The following AXIN1 variants were observed in gnomAD, a reference collection of about 807,000 sequenced individuals.
The protein encoded by AXIN1 is axin 1.
Under a neutral mutation model 76.4 loss-of-function variants are expected in AXIN1, and 30 were observed. That is an observed-to-expected ratio of 0.39 (90% CI 0.29 to 0.53). The LOEUF is 0.53. Among genes scored for constraint, AXIN1 ranks in the 20% least tolerant of loss-of-function variants. The probability of loss-of-function intolerance (pLI) is 0.66; values close to 1 mark genes in which losing one functional copy is unlikely to be tolerated. For missense variants in AXIN1, 1,140 were observed against 1,198.8 expected (o/e 0.95, Z 0.72); for synonymous variants, 545 against 501.4 (o/e 1.09, Z -1.16).
rs531943311 is a variant in AXIN1 at position 287,918 on chromosome 16, C to T, written c.*204G>A. ...GTATTGCTATGAGGAGTGGTCCAGG[C>T]TGCCTCCTTGGGGGCAGGACAGAAG... On this transcript the variant is annotated 3_prime_UTR_variant, in exon 11 of 11. Coordinates refer to ENST00000262320, the MANE Select transcript of AXIN1 (RefSeq NM_003502.4). 5.1e-6 allele frequency: 4 copies of T among 789,060 alleles called. No homozygotes were observed. In the African/African-American group the frequency reaches 6.8e-5, roughly 13 times the overall value. 48.9% of individuals were successfully genotyped at this position (789,060 alleles called of 1,614,324 possible).
intron 4 of AXIN1, among the ~76,000 whole-genome samples, chr16:309,126 C>T (rs553263673): frequency 3.3e-5 from 5 of 152,102 alleles, no homozygotes; most frequent in African/African-American, 7.2e-5. Flanking sequence ...GTCAGGAGAT[C>T]GAGACCATCC....
At chr16:315,957 G>A (rs774329484) in intron 2 of AXIN1, among the ~76,000 whole-genome samples, 1 of 152,058 alleles carries the variant, frequency 6.6e-6, no homozygotes, top group Non-Finnish European at 1.5e-5. Context: ...GGAGGCTGAG[G>A]CAAGAGAATC....
chr16:351,962 C>G (rs2054154570), intron 1 of AXIN1, among the ~76,000 whole-genome samples: 2 of 152,180 alleles, frequency 1.3e-5, no homozygotes, highest in Admixed American at 1.3e-4. Context: ...AGGCATCAAC[C>G]TGGAGGGTAC....
chr16:329,132 G>A (rs776904445), intron 2 of AXIN1, among the ~76,000 whole-genome samples: 2 of 151,952 alleles, frequency 1.3e-5, no homozygotes, highest in Non-Finnish European at 2.9e-5. Flanking sequence ...ATAGAAATTA[G>A]CCAGGCGTGG....
At chr16:320,263 C>A (rs1254392674) in intron 2 of AXIN1, among the ~76,000 whole-genome samples, 3 of 152,146 alleles carry the variant, frequency 2.0e-5, no homozygotes, top group African/African-American at 7.2e-5. Context: ...CCAGGCTGGT[C>A]TTGAACTCTT....
At chr16:342,740 C>G (rs532058894) in intron 2 of AXIN1, among the ~76,000 whole-genome samples, 48 of 152,356 alleles carry the variant, frequency 3.2e-4, no homozygotes, top group Admixed American at 1.2e-3. Flanking sequence ...CATCTGTAAA[C>G]AAGGGAGCCC....
chr16:325,143 C>A (rs1202156664), intron 2 of AXIN1, among the ~76,000 whole-genome samples: 1 of 152,168 alleles, frequency 6.6e-6, no homozygotes, highest in African/African-American at 2.4e-5. Flanking sequence ...ATCGCCTCAG[C>A]CCCGCGGGCG....
At chr16:291,066 C>T (rs951344550) in intron 9 of AXIN1, 124 bp downstream of exon 9, 2 of 900,634 alleles carry the variant, frequency 2.2e-6, no homozygotes, top group African/African-American at 1.7e-5. Flanking sequence ...CCTCTCCTGC[C>T]ACAGCTGCTT....
intron 2 of AXIN1, among the ~76,000 whole-genome samples, chr16:319,719 G>C (rs1470389899): frequency 6.6e-6 from 1 of 152,132 alleles, no homozygotes; most frequent in Non-Finnish European, 1.5e-5. Context: ...CCGGCTCTCT[G>C]GTCACTGTGG....
Position 320,984 on chromosome 16 carries a change from C to T in AXIN1, c.879-6301G>A, listed in dbSNP as rs143285918. On this transcript the variant is annotated intron_variant, in intron 2 of 10. Coordinates refer to ENST00000262320, the MANE Select transcript of AXIN1 (RefSeq NM_003502.4). ...CGAACGCCTGACCTTGTGATCTGCCCGCCTCGGCCTCCCAAAGTGCTGGGA... is the reference window on the plus strand; with the variant it reads ...CGAACGCCTGACCTTGTGATCTGCCTGCCTCGGCCTCCCAAAGTGCTGGGA... 5.7e-3 allele frequency among the ~76,000 whole-genome samples: 872 copies of T among 152,118 alleles called. 6 individuals are homozygous for T. Among genetic ancestry groups the T allele is most frequent in the African/African-American group, 0.017 (685 of 41,474 alleles).
chr16:295,040 G>A (rs568934062), intron 7 of AXIN1, among the ~76,000 whole-genome samples: 586 of 148,272 alleles, frequency 4.0e-3, no homozygotes, highest in Non-Finnish European at 7.0e-3. Context: ...CTCCAGCCTG[G>A]GCAACAGAGC....
Position 297,041 on chromosome 16 carries a change from G to A in AXIN1, c.1955+15C>T, listed in dbSNP as rs202016876. The A allele has an allele frequency of 1.2e-4, 197 of 1,608,992 alleles. No homozygotes were observed. Among genetic ancestry groups the A allele is most frequent in the Non-Finnish European group, 1.5e-4 (182 of 1,179,826 alleles). On this transcript the variant is annotated intron_variant, in intron 7 of 10. Coordinates refer to ENST00000262320, the MANE Select transcript of AXIN1 (RefSeq NM_003502.4). Reference sequence around the variant, plus strand: ...AAGCAGGCCCCACGAGGCTGGCTGCGTGCGGGGTGCTCACCCGTGGCCGGT... The same window carrying A: ...AAGCAGGCCCCACGAGGCTGGCTGCATGCGGGGTGCTCACCCGTGGCCGGT...
chr16:302,121 G>C (rs1464520823), intron 5 of AXIN1, among the ~76,000 whole-genome samples: 1 of 152,262 alleles, frequency 6.6e-6, no homozygotes, highest in African/African-American at 2.4e-5. Context: ...AGCCGCTCCA[G>C]TGACCACCAG....
chr16:326,780 T>C (rs2053593832), intron 2 of AXIN1, among the ~76,000 whole-genome samples: 1 of 150,322 alleles, frequency 6.7e-6, no homozygotes, highest in Admixed American at 6.6e-5. Context: ...CCGTCAGCTA[T>C]GAAAATCTCT....
intron 2 of AXIN1, among the ~76,000 whole-genome samples, chr16:314,936 GCACA>G (rs2053266509): frequency 6.6e-6 from 1 of 152,210 alleles, no homozygotes; most frequent in African/African-American, 2.4e-5. Flanking sequence ...GGGCTTTGGT[GCACA>G]CACAGAGCAT....
intron 3 of AXIN1, among the ~76,000 whole-genome samples, chr16:310,554 G>A (rs1439350688): frequency 2.0e-5 from 3 of 152,102 alleles, no homozygotes; most frequent in Admixed American, 6.5e-5. Context: ...CCGCCACCAC[G>A]CCCAGCTAAT....
At position 302,495 on chromosome 16, in the gene AXIN1, C is replaced by T. The variant is rs183511465; in HGVS notation, c.1254+1809G>A. ...AGCTCCACCATCTGCAGCGACCACA[C>T]CTGGTCCCCGCCATGAATCCCAGCT... On this transcript the variant is annotated intron_variant, in intron 5 of 10. Coordinates refer to ENST00000262320, the MANE Select transcript of AXIN1 (RefSeq NM_003502.4). Among the ~76,000 whole-genome samples, 315 of 152,374 alleles carry T rather than the reference C, an allele frequency of 2.1e-3. 2 individuals carry two copies. Among genetic ancestry groups the T allele is most frequent in the African/African-American group, 7.2e-3 (299 of 41,586 alleles).
intron 2 of AXIN1, among the ~76,000 whole-genome samples, chr16:322,302 C>T (rs931291968): frequency 2.0e-5 from 3 of 152,326 alleles, no homozygotes; most frequent in African/African-American, 7.2e-5. Context: ...CAGGGATGGC[C>T]CTGCTGGTAG....
intron 2 of AXIN1, among the ~76,000 whole-genome samples, chr16:320,823 T>G (rs1426145483): frequency 1.4e-5 from 2 of 146,356 alleles, no homozygotes; most frequent in Non-Finnish European, 3.0e-5. Flanking sequence ...CACTACAACC[T>G]CCGCCTCCTG....
Sources: allele counts gnomAD v4.1 joint callset (sites outside exome capture counted in the v4.1 genomes callset), GRCh38; gene constraint gnomAD v4.1.1; transcripts MANE v1.5; gene names NCBI Gene and HGNC (gene_info 2026-07-23, HGNC 2026-07-21).